CLDN14: variants seen among roughly 807,000 people sequenced by gnomAD.
CLDN14 encodes claudin-14.
A neutral mutation model predicts 2.1 loss-of-function variants in CLDN14; 2 were observed. The ratio of observed to expected loss-of-function variants is 0.96; its 90% confidence interval spans 0.39 to 3.01. The LOEUF (loss-of-function observed/expected upper bound fraction) is 3.01. CLDN14 is among the 30% of genes most tolerant of loss of function. The pLI is 0.09. For missense variants in CLDN14, 298 were observed against 328.0 expected (o/e 0.91, Z 0.71); for synonymous variants, 136 against 154.4 (o/e 0.88, Z 0.88).
intron 1 of CLDN14, among the ~76,000 whole-genome samples, chr21:36,549,092 C>T (rs1273001712): frequency 6.6e-6 from 1 of 151,772 alleles, no homozygotes; most frequent in Non-Finnish European, 1.5e-5. Flanking sequence ...CAACCTTCTA[C>T]AGAATGAGCT....
intron 1 of CLDN14, among the ~76,000 whole-genome samples, chr21:36,559,386 G>A (rs760472977): frequency 1.3e-5 from 2 of 152,054 alleles, no homozygotes; most frequent in East Asian, 1.9e-4. Context: ...TAGTAGAGAC[G>A]GGGTTTCGCC....
upstream of CLDN14, among the ~76,000 whole-genome samples, chr21:36,482,424 G>T (rs975158589): frequency 6.7e-6 from 1 of 149,056 alleles, no homozygotes; most frequent in East Asian, 1.9e-4. Flanking sequence ...ATGGATGGAT[G>T]GATGGATGGA....
intron 1 of CLDN14, among the ~76,000 whole-genome samples, chr21:36,561,211 G>GTTA (rs2087632550): frequency 6.6e-6 from 1 of 152,142 alleles, no homozygotes; most frequent in Non-Finnish European, 1.5e-5. Flanking sequence ...GCAGTGTCTG[G>GTTA]GCCTGTGGAG....
At chr21:36,521,482 T>C (rs1267012106) in intron 1 of CLDN14, among the ~76,000 whole-genome samples, 1 of 152,230 alleles carries the variant, frequency 6.6e-6, no homozygotes, top group Non-Finnish European at 1.5e-5. Flanking sequence ...ATCTTGTAAC[T>C]GGAGCCATCC....
chr21:36,516,902 G>A (rs372694394), intron 1 of CLDN14, among the ~76,000 whole-genome samples: 2 of 152,230 alleles, frequency 1.3e-5, no homozygotes, highest in Admixed American at 1.3e-4. Context: ...TTGCAGTGGT[G>A]GAATCTCAGC....
intron 1 of CLDN14, among the ~76,000 whole-genome samples, chr21:36,575,652 A>G (rs1179035402): frequency 6.6e-6 from 1 of 152,250 alleles, no homozygotes; most frequent in Non-Finnish European, 1.5e-5. Context: ...CGCATGAAAC[A>G]TGGACAATGT....
At chr21:36,572,394 C>CAGAGTCCA (rs111575490) in intron 1 of CLDN14, among the ~76,000 whole-genome samples, 5 of 151,118 alleles carry the variant, frequency 3.3e-5, no homozygotes, top group Non-Finnish European at 7.4e-5. Context: ...CTTCCCTCTG[C>CAGAGTCCA]GGAGTCCAGG....
chr21:36,512,650 TAAAGC>T (rs938102109), intron 1 of CLDN14, among the ~76,000 whole-genome samples: 1 of 152,134 alleles, frequency 6.6e-6, no homozygotes, highest in African/African-American at 2.4e-5. Flanking sequence ...ATGTAAAAAT[TAAAGC>T]AAAGCACACA....
At position 36,498,861 on chromosome 21, in the gene CLDN14, A is replaced by G. The variant is rs73380196; in HGVS notation, c.-82+11502T>C. On this transcript the variant is annotated intron_variant, in intron 2 of 2. Transcript: ENST00000342108. This position sits in a 1 kb window ranked among gnomAD's most constrained non-coding sequence, Gnocchi z 4.9. ...GGGGCCCTCATGGGGGCTGAAATTC[A>G]ACCAAGGCTTGATTCCTGCCTGAGG... Among the ~76,000 whole-genome samples, 23,679 of 151,708 alleles carry G rather than the reference A, an allele frequency of 0.16. 6,189 individuals are homozygous for G. Among genetic ancestry groups the G allele is most frequent in the African/African-American group, 0.54 (22,216 of 41,314 alleles).
intron 1 of CLDN14, among the ~76,000 whole-genome samples, chr21:36,514,566 T>C (rs376489640): frequency 6.6e-6 from 1 of 152,094 alleles, no homozygotes; most frequent in African/African-American, 2.4e-5. Context: ...TCTTGCAGTA[T>C]GTTGGAGCTG....
At chr21:36,554,892 C>T (rs1412540016) in intron 1 of CLDN14, among the ~76,000 whole-genome samples, 1 of 152,208 alleles carries the variant, frequency 6.6e-6, no homozygotes, top group African/African-American at 2.4e-5. Flanking sequence ...CCCCATGACC[C>T]TCCAATTCTA....
intron 2 of CLDN14, among the ~76,000 whole-genome samples, chr21:36,502,576 C>T (rs1402027288): frequency 2.0e-5 from 3 of 152,224 alleles, no homozygotes; most frequent in African/African-American, 7.2e-5. Context: ...CTGTTTTACA[C>T]TTCATCAGCA....
intron 1 of CLDN14, among the ~76,000 whole-genome samples, chr21:36,514,221 A>G (rs920311139): frequency 1.3e-5 from 2 of 152,134 alleles, no homozygotes; most frequent in African/African-American, 4.8e-5. Flanking sequence ...GCTTCGTGAT[A>G]TTTGGAGGGA....
At chr21:36,470,076 C>G (rs1020424061) in intron 1 of CLDN14, among the ~76,000 whole-genome samples, 3 of 151,856 alleles carry the variant, frequency 2.0e-5, no homozygotes, top group Non-Finnish European at 4.4e-5. Context: ...CCCAAAAAAC[C>G]CAGGTGGACA....
At chr21:36,478,180 A>T (rs2086799565) in intron 1 of CLDN14, among the ~76,000 whole-genome samples, 1 of 152,252 alleles carries the variant, frequency 6.6e-6, no homozygotes, top group South Asian at 2.1e-4. Flanking sequence ...ATAGCACCAA[A>T]GGAAGAATCT....
chr21:36,504,453 G>A (rs549276039), intron 2 of CLDN14, among the ~76,000 whole-genome samples: 1 of 152,098 alleles, frequency 6.6e-6, no homozygotes, highest in African/African-American at 2.4e-5. Flanking sequence ...TTCAGGTTCC[G>A]AAAGGCAATC....
intron 2 of CLDN14, among the ~76,000 whole-genome samples, chr21:36,497,567 C>T (rs890685207): frequency 5.3e-5 from 8 of 152,106 alleles, no homozygotes; most frequent in Admixed American, 2.0e-4. Context: ...CAACAGGCCC[C>T]AAACGAGCTG....
intron 1 of CLDN14, among the ~76,000 whole-genome samples, chr21:36,530,267 C>T (rs1049274372): frequency 3.3e-5 from 5 of 152,020 alleles, no homozygotes; most frequent in African/African-American, 1.2e-4. Flanking sequence ...CTGGATTCTC[C>T]CTAATGAAAA....
intron 2 of CLDN14, among the ~76,000 whole-genome samples, chr21:36,502,967 G>C (rs766478173): frequency 2.1e-4 from 32 of 152,244 alleles, no homozygotes; most frequent in Non-Finnish European, 4.0e-4. Context: ...TCTCTGAGAA[G>C]TGTGGTCTGA....
Sources: allele counts gnomAD v4.1 joint callset (sites outside exome capture counted in the v4.1 genomes callset), GRCh38; gene constraint gnomAD v4.1.1; non-coding constraint Gnocchi (gnomAD v3.1); transcripts MANE v1.5; gene names NCBI Gene and HGNC (gene_info 2026-07-23, HGNC 2026-07-21).